GABRA4: variants seen among roughly 807,000 people sequenced by gnomAD.
The protein encoded by GABRA4 is gamma-aminobutyric acid type A receptor subunit alpha4.
Under a neutral mutation model 49.7 loss-of-function variants are expected in GABRA4, and 12 were observed. The observed-to-expected ratio is 0.24, with a 90% CI of 0.15 to 0.39. The LOEUF is 0.39. Among genes scored for constraint, GABRA4 ranks in the 10% least tolerant of loss-of-function variants. The pLI, the probability that GABRA4 is intolerant of heterozygous loss-of-function variation, is 1.00. For missense variants in GABRA4, 506 were observed against 686.0 expected (o/e 0.74, Z 2.93); for synonymous variants, 288 against 240.2 (o/e 1.20, Z -1.84).
rs1013288857 is a variant in GABRA4 at position 46,921,100 on chromosome 4, T to C, written c.*7125A>G. On this transcript the variant is annotated 3_prime_UTR_variant, in exon 9 of 9. Coordinates refer to ENST00000264318, the MANE Select transcript of GABRA4 (RefSeq NM_000809.4). ...GTAAAAGGAAAGGATAACATTTTATTCAAAATTTCTTTTATATTACGCATG... is the reference window on the plus strand; with the variant it reads ...GTAAAAGGAAAGGATAACATTTTATCCAAAATTTCTTTTATATTACGCATG... 6 of 151,796 alleles carry C rather than the reference T, an allele frequency of 4.0e-5. No homozygotes were observed. Among genetic ancestry groups the C allele is most frequent in the African/African-American group, 1.2e-4 (5 of 41,430 alleles). The allele number at this position is 151,796 out of a possible 1,614,324, so 9.4% of individuals were successfully genotyped here.
At chr4:46,972,750 G>A (rs1307304638) in intron 6 of GABRA4, among the ~76,000 whole-genome samples, 1 of 151,396 alleles carries the variant, frequency 6.6e-6, no homozygotes, top group South Asian at 2.1e-4. Flanking sequence ...CTAATACCTC[G>A]CTGTTTCCTC....
Position 46,979,103 on chromosome 4 carries a change from C to T in GABRA4, c.206-5G>A, listed in dbSNP as rs772703545. On this transcript the variant is annotated splice_region_variant and splice_polypyrimidine_tract_variant and intron_variant, in intron 2 of 8. Coordinates refer to ENST00000264318, the MANE Select transcript of GABRA4 (RefSeq NM_000809.4). Reference sequence around the variant, plus strand: ...TTTTCACTTCTGTAACAGGACCTAACGGGTATGAAGTAAATAAGTGTGAAA... The same window carrying T: ...TTTTCACTTCTGTAACAGGACCTAATGGGTATGAAGTAAATAAGTGTGAAA... 4.1e-5 allele frequency: 65 copies of T among 1,589,792 alleles called. No individual in the cohort carries two copies. The highest frequency in any genetic ancestry group is 5.2e-5 in the Non-Finnish European group (60 of 1,159,144).
chr4:46,935,229 G>A (rs1721567095), intron 8 of GABRA4, among the ~76,000 whole-genome samples: 1 of 152,208 alleles, frequency 6.6e-6, no homozygotes, highest in African/African-American at 2.4e-5. Flanking sequence ...AGACAGACCT[G>A]GTTGCAAATA....
At chr4:46,935,673 TG>T (rs898781224) in intron 8 of GABRA4, among the ~76,000 whole-genome samples, 1 of 146,796 alleles carries the variant, frequency 6.8e-6, no homozygotes, top group Non-Finnish European at 1.5e-5. Context: ...CTGTTTGGGG[TG>T]GGGGGCTAGG....
intron 8 of GABRA4, among the ~76,000 whole-genome samples, chr4:46,958,173 T>C (rs1722433922): frequency 6.6e-6 from 1 of 151,918 alleles, no homozygotes; most frequent in African/African-American, 2.4e-5. Context: ...CGATATTAGG[T>C]TTACCATTTT....
chr4:46,982,183 CTACATAGAGTATTGT>C (rs1723378728), intron 2 of GABRA4, among the ~76,000 whole-genome samples: 1 of 152,046 alleles, frequency 6.6e-6, no homozygotes, highest in African/African-American at 2.4e-5. Flanking sequence ...AGATGGAGAG[CTACATAGAGTATTGT>C]TATGAGCTAA....
chr4:46,964,618 A>T (rs989386878), intron 8 of GABRA4, among the ~76,000 whole-genome samples: 1 of 151,562 alleles, frequency 6.6e-6, no homozygotes. Flanking sequence ...TTTGCTTTGC[A>T]CAATGAACTC....
intron 8 of GABRA4, among the ~76,000 whole-genome samples, chr4:46,964,599 A>C (rs1356426127): frequency 6.6e-6 from 1 of 151,758 alleles, no homozygotes; most frequent in Non-Finnish European, 1.5e-5. Context: ...AACAAAAACT[A>C]ACTGCTGCTT....
At position 46,968,891 on chromosome 4, in the gene GABRA4, A is replaced by G. The variant is rs1006493848; in HGVS notation, c.874+2192T>C. ...ACAATAATAATAATATATGGCAGAC[A>G]GTCACATTAACCTATCAAGTAATAA... On this transcript the variant is annotated intron_variant, in intron 7 of 8. Coordinates refer to ENST00000264318, the MANE Select transcript of GABRA4 (RefSeq NM_000809.4). 6.6e-5 allele frequency among the ~76,000 whole-genome samples: 10 copies of G among 151,834 alleles called. 3 individuals are homozygous for G. The highest frequency in any genetic ancestry group is 2.6e-4 in the Admixed American group (4 of 15,202).
chr4:46,969,359 A>G (rs1453782494), intron 7 of GABRA4, among the ~76,000 whole-genome samples: 2 of 151,488 alleles, frequency 1.3e-5, no homozygotes, highest in Non-Finnish European at 3.0e-5. Context: ...AAATATTTGT[A>G]TTTTTTTGTA....
chr4:46,992,100 G>T (rs944580621), intron 2 of GABRA4, among the ~76,000 whole-genome samples: 1 of 152,114 alleles, frequency 6.6e-6, no homozygotes, highest in East Asian at 1.9e-4. Context: ...AGTACCTAGC[G>T]CAAAGCTTGC....
intron 8 of GABRA4, among the ~76,000 whole-genome samples, chr4:46,963,375 C>A (rs1722645954): frequency 6.6e-6 from 1 of 151,732 alleles, no homozygotes; most frequent in South Asian, 2.1e-4. Flanking sequence ...GTAGGAGGGA[C>A]CCAGGGGGAA....
At chr4:46,966,074 A>G (rs542593299) in intron 7 of GABRA4, among the ~76,000 whole-genome samples, 1 of 151,476 alleles carries the variant, frequency 6.6e-6, no homozygotes, top group Non-Finnish European at 1.5e-5. Context: ...TAGCAGAAAA[A>G]TTCTCCTTGC....
At chr4:46,965,306 A>G in intron 7 of GABRA4, 77 bp from the exon 8 acceptor site, 1 of 1,250,612 alleles carries the variant, frequency 8.0e-7, no homozygotes, top group East Asian at 2.7e-5. Flanking sequence ...ACCAACAAAA[A>G]CCTAGAAAAT....
rs948046483 is a variant in GABRA4, at chr4:46,960,380, A to G, written c.1134+4590T>C. ...TCTTGGTATTTGAAAAATCAAGATAATAAAAGGTTATATGTTAAACAGCTG... is the reference window on the plus strand; with the variant it reads ...TCTTGGTATTTGAAAAATCAAGATAGTAAAAGGTTATATGTTAAACAGCTG... On this transcript the variant is annotated intron_variant, in intron 8 of 8. Coordinates refer to ENST00000264318, the MANE Select transcript of GABRA4 (RefSeq NM_000809.4). Among the ~76,000 whole-genome samples, 5 of 151,868 alleles carry G rather than the reference A, an allele frequency of 3.3e-5. No homozygotes were observed. In the East Asian group the frequency reaches 7.8e-4, roughly 24 times the overall value.
intron 8 of GABRA4, among the ~76,000 whole-genome samples, chr4:46,929,330 A>G (rs1721347927): frequency 6.6e-6 from 1 of 152,020 alleles, no homozygotes. Context: ...AGTACACATT[A>G]TTATGAAATC....
At chr4:46,958,492 T>C (rs1722442845) in intron 8 of GABRA4, among the ~76,000 whole-genome samples, 1 of 151,928 alleles carries the variant, frequency 6.6e-6, no homozygotes, top group Admixed American at 6.6e-5. Flanking sequence ...TTCTAATTAT[T>C]CTATTAATCC....
chr4:46,971,671 A>G (rs907625602), intron 6 of GABRA4, among the ~76,000 whole-genome samples: 5 of 151,088 alleles, frequency 3.3e-5, no homozygotes, highest in Non-Finnish European at 5.9e-5. Context: ...TTATGAAAAT[A>G]TAAAGTTTAA....
At chr4:46,980,914 A>T (rs1429064936) in intron 2 of GABRA4, among the ~76,000 whole-genome samples, 4 of 152,124 alleles carry the variant, frequency 2.6e-5, no homozygotes, top group Admixed American at 6.6e-5. Context: ...GCAAGTGGTG[A>T]TAAGTTACTC....
Sources: gnomAD v4.1 joint callset for allele counts (sites outside exome capture counted in the v4.1 genomes callset) on GRCh38, gnomAD v4.1.1 for gene constraint, MANE v1.5 for transcripts, NCBI Gene and HGNC (gene_info 2026-07-23, HGNC 2026-07-21) for gene names.